The following ME3 variants were observed in gnomAD, a reference collection of about 807,000 sequenced individuals.
ME3 encodes the protein NADP-dependent malic enzyme, mitochondrial.
Under a neutral mutation model 68.9 loss-of-function variants are expected in ME3, and 48 were observed. That is an observed-to-expected ratio of 0.70 (90% confidence interval 0.55 to 0.89). The LOEUF is 0.89. Ranked by LOEUF, ME3 falls within the 40% of genes least tolerant of loss-of-function variation. The pLI, the probability that ME3 is intolerant of heterozygous loss-of-function variation, is 0.00. For synonymous variants in ME3, 320 were observed against 318.8 expected (o/e 1.00, Z -0.04); for missense variants, 675 against 797.4 (o/e 0.85, Z 1.85).
At chr11:86,550,917 G>A (rs891879908) in intron 4 of ME3, among the ~76,000 whole-genome samples, 1 of 152,068 alleles carries the variant, frequency 6.6e-6, no homozygotes, top group Non-Finnish European at 1.5e-5. Flanking sequence ...GCTCCAGTGG[G>A]TATTTAGGAA....
rs1054149567 is a variant in ME3 at position 86,497,102 on chromosome 11, G to C, written c.705+861C>G. On this transcript the variant is annotated intron_variant, in intron 6 of 14. Coordinates refer to ENST00000543262, the Ensembl canonical transcript of ME3. ...GTTCTCCTGGGATTCTCCTGTCTCA[G>C]CCTCCCCAGTAGCTGGGATTACAGG... is the stretch of plus-strand genomic sequence containing the variant. Among the ~76,000 whole-genome samples, 3 of 152,042 alleles carry C rather than the reference G, an allele frequency of 2.0e-5. No homozygotes were observed. In the South Asian group the frequency reaches 6.2e-4, roughly 32 times the overall value.
intron 2 of ME3, among the ~76,000 whole-genome samples, chr11:86,584,698 G>A (rs543381089): frequency 7.1e-4 from 108 of 152,306 alleles, no homozygotes; most frequent in African/African-American, 2.0e-3. Flanking sequence ...GTCACAGAAG[G>A]ACAAATACTG....
intron 2 of ME3, among the ~76,000 whole-genome samples, chr11:86,637,479 T>C: frequency 6.6e-6 from 1 of 150,908 alleles, no homozygotes; most frequent in East Asian, 1.9e-4. Context: ...CCATGGGAAG[T>C]GATGTTAGAG....
intron 5 of ME3, among the ~76,000 whole-genome samples, chr11:86,506,767 G>C (rs1953108611): frequency 6.6e-6 from 1 of 152,196 alleles, no homozygotes; most frequent in Admixed American, 6.5e-5. Flanking sequence ...TGGTTGAACT[G>C]TCCAGGAATG....
intron 7 of ME3, among the ~76,000 whole-genome samples, chr11:86,478,134 A>AC (rs1951187166): frequency 6.6e-6 from 1 of 151,708 alleles, no homozygotes; most frequent in Non-Finnish European, 1.5e-5. Flanking sequence ...ACCAACTCCC[A>AC]CCCTCACCAT....
intron 2 of ME3, among the ~76,000 whole-genome samples, chr11:86,594,623 G>A (rs1959187975): frequency 6.9e-6 from 1 of 145,964 alleles, no homozygotes; most frequent in African/African-American, 2.5e-5. Flanking sequence ...GAGCCCGAGA[G>A]GTCAACGCTG....
At chr11:86,597,797 T>TG (rs1959779920) in intron 2 of ME3, among the ~76,000 whole-genome samples, 1 of 152,086 alleles carries the variant, frequency 6.6e-6, no homozygotes, top group South Asian at 2.1e-4. Flanking sequence ...CAGCTTGGTT[T>TG]TATACATTCT....
intron 2 of ME3, among the ~76,000 whole-genome samples, chr11:86,628,669 T>G (rs1215167390): frequency 2.6e-5 from 4 of 152,174 alleles, no homozygotes; most frequent in African/African-American, 7.2e-5. Context: ...CCCTTAATGT[T>G]TCTGTTCACC....
At chr11:86,609,645 A>G (rs770674054) in intron 2 of ME3, among the ~76,000 whole-genome samples, 1 of 152,200 alleles carries the variant, frequency 6.6e-6, no homozygotes, top group Middle Eastern at 3.2e-3. Flanking sequence ...CATACTGAAG[A>G]ATATATATCA....
chr11:86,474,945 TAATA>T (rs1565828366), intron 7 of ME3, among the ~76,000 whole-genome samples: 1 of 152,218 alleles, frequency 6.6e-6, no homozygotes, highest in Non-Finnish European at 1.5e-5. Context: ...ATAAAGGAAT[TAATA>T]AATGGATGGA....
At chr11:86,477,049 T>G (rs1449609323) in intron 7 of ME3, among the ~76,000 whole-genome samples, 1 of 152,186 alleles carries the variant, frequency 6.6e-6, no homozygotes, top group Non-Finnish European at 1.5e-5. Flanking sequence ...CAAACATGAT[T>G]TTTTTACTAT....
chr11:86,613,091 G>A (rs1942707682), intron 2 of ME3, among the ~76,000 whole-genome samples: 4 of 152,162 alleles, frequency 2.6e-5, no homozygotes, highest in Admixed American at 2.6e-4. Context: ...TTTGTAAGGT[G>A]AAAGGAAGGG....
intron 2 of ME3, among the ~76,000 whole-genome samples, chr11:86,620,862 G>A (rs986781215): frequency 6.6e-6 from 1 of 152,132 alleles, no homozygotes; most frequent in African/African-American, 2.4e-5. Flanking sequence ...TAGGGCCTCA[G>A]TCCAGTTTCC....
chr11:86,440,952 A>G (rs932729657), downstream of ME3, among the ~76,000 whole-genome samples: 57 of 152,294 alleles, frequency 3.7e-4, no homozygotes, highest in African/African-American at 1.3e-3. Flanking sequence ...AATTGTGTCC[A>G]ATCTCCTCCA....
chr11:86,613,516 A>T (rs917231710), intron 2 of ME3, among the ~76,000 whole-genome samples: 3 of 152,198 alleles, frequency 2.0e-5, no homozygotes, highest in Non-Finnish European at 4.4e-5. Context: ...ATAAGAAGAG[A>T]GGAAGTCAAA....
chr11:86,647,153 A>G (rs939241289), intron 2 of ME3, among the ~76,000 whole-genome samples: 2 of 152,214 alleles, frequency 1.3e-5, no homozygotes, highest in African/African-American at 4.8e-5. Context: ...CTAATGGGCA[A>G]AATAACCAGC....
At chr11:86,540,099 T>A (rs1199368808) in intron 4 of ME3, among the ~76,000 whole-genome samples, 4 of 152,192 alleles carry the variant, frequency 2.6e-5, no homozygotes, top group Non-Finnish European at 5.9e-5. Context: ...AACCCAGAGA[T>A]TCATCCTTGA....
intron 10 of ME3, among the ~76,000 whole-genome samples, chr11:86,449,335 T>C (rs1375773507): frequency 6.6e-6 from 1 of 152,224 alleles, no homozygotes; most frequent in African/African-American, 2.4e-5. Flanking sequence ...CACACATTAA[T>C]TATGCACTTA....
intron 4 of ME3, among the ~76,000 whole-genome samples, chr11:86,532,535 C>G (rs1955328557): frequency 6.6e-6 from 1 of 152,104 alleles, no homozygotes; most frequent in Non-Finnish European, 1.5e-5. Context: ...TTTCTAATCA[C>G]TATGATATAA....
Sources: allele counts gnomAD v4.1 joint callset (sites outside exome capture counted in the v4.1 genomes callset), GRCh38; gene constraint gnomAD v4.1.1; transcripts MANE v1.5; gene names NCBI Gene and HGNC (gene_info 2026-07-23, HGNC 2026-07-21).